ENOX1: variants seen among roughly 807,000 people sequenced by gnomAD.
ENOX1 encodes candidate growth-related and time keeping constitutive hydroquinone (NADH) oxidase.
ENOX1 carries 42 observed loss-of-function variants against 82.5 expected under a neutral mutation model. The ratio of observed to expected loss-of-function variants is 0.51; its 90% CI spans 0.40 to 0.66. ENOX1 has a LOEUF of 0.66. Among genes scored for constraint, ENOX1 ranks in the 30% least tolerant of loss-of-function variants. ENOX1 has a pLI of 0.00. For synonymous variants in ENOX1, 271 were observed against 282.2 expected, an observed-to-expected ratio of 0.96 and a Z score of 0.40; for missense variants, 608 against 811.6, an observed-to-expected ratio of 0.75 and a Z score of 3.05.
chr13:43,498,228 C>T (rs1045326977), intron 2 of ENOX1, among the ~76,000 whole-genome samples: 8 of 151,978 alleles, frequency 5.3e-5, no homozygotes, highest in Non-Finnish European at 7.4e-5. Context: ...TCCTCAGAGG[C>T]GGAAATATCT....
intron 12 of ENOX1, among the ~76,000 whole-genome samples, chr13:43,286,541 A>G (rs1410935632): frequency 6.6e-6 from 1 of 152,192 alleles, no homozygotes; most frequent in African/African-American, 2.4e-5. Context: ...AATGATTTTA[A>G]TAGTCTGCAG....
At chr13:43,470,263 T>TAC in intron 3 of ENOX1, among the ~76,000 whole-genome samples, 2 of 50,092 alleles carry the variant, frequency 4.0e-5, no homozygotes, top group African/African-American at 1.1e-4. Flanking sequence ...TATATATACA[T>TAC]ATATATACAC....
At position 43,630,835 on chromosome 13, in the gene ENOX1, C is replaced by CCACACA. The variant is rs139634908; in HGVS notation, c.-219+36638_-219+36643dup. ...CCTAGGCATTTATATATACATACAA[C>CCACACA]CACACACACACATATATATATATAT... On this transcript the variant is annotated intron_variant, in intron 2 of 16. Coordinates refer to ENST00000690772, the MANE Select transcript of ENOX1 (RefSeq NM_001347969.2). Among the ~76,000 whole-genome samples the CCACACA allele has an allele frequency of 8.9e-5, 12 of 134,408 alleles. No individual in the cohort carries two copies. The East Asian group carries it at 2.1e-3, about 24-fold the overall frequency. The allele number at this position is 134,408 out of a possible 152,430, so 88.2% of individuals were successfully genotyped here. A position where few individuals can be genotyped will look rare whatever the true frequency, so the allele number is the denominator to read the frequency against.
chr13:43,269,445 A>T (rs1164014961), intron 13 of ENOX1, 25 bp downstream of exon 13: 2 of 1,580,848 alleles, frequency 1.3e-6, no homozygotes, highest in Non-Finnish European at 1.7e-6. Flanking sequence ...CTGATTCATA[A>T]ATCAGAGCTG....
At chr13:43,573,586 C>T (rs1265330121) in intron 2 of ENOX1, among the ~76,000 whole-genome samples, 1 of 152,186 alleles carries the variant, frequency 6.6e-6, no homozygotes, top group Non-Finnish European at 1.5e-5. Flanking sequence ...TTCTCATGCC[C>T]TGCCATTAAG....
intron 9 of ENOX1, among the ~76,000 whole-genome samples, chr13:43,333,454 C>G (rs928340467): frequency 2.0e-4 from 30 of 152,336 alleles, no homozygotes; most frequent in Admixed American, 1.9e-3. Flanking sequence ...CTCATTGAGC[C>G]TGCCCTGTAT....
intron 14 of ENOX1, among the ~76,000 whole-genome samples, chr13:43,247,858 TATATATATATATA>T (rs1566329267): frequency 0.045 from 172 of 3,838 alleles, 15 homozygotes; most frequent in Non-Finnish European, 0.067. Flanking sequence ...TATATATATA[TATATATATATATA>T]TATATATATA....
At chr13:43,482,862 T>C (rs1349297107) in intron 3 of ENOX1, among the ~76,000 whole-genome samples, 3 of 152,106 alleles carry the variant, frequency 2.0e-5, no homozygotes, top group South Asian at 2.1e-4. Context: ...TCCTACTGAA[T>C]TGACAGGCTA....
intron 11 of ENOX1, among the ~76,000 whole-genome samples, chr13:43,315,903 T>A (rs572050079): frequency 6.6e-6 from 1 of 152,150 alleles, no homozygotes; most frequent in Non-Finnish European, 1.5e-5. Context: ...TAAACTGTAA[T>A]GTAGATAATG....
intron 3 of ENOX1, among the ~76,000 whole-genome samples, chr13:43,422,211 C>A (rs2055019723): frequency 6.6e-6 from 1 of 152,172 alleles, no homozygotes; most frequent in Non-Finnish European, 1.5e-5. Flanking sequence ...TCCACACCTC[C>A]CTGGCAACCA....
At chr13:43,585,916 GTTTATA>G (rs939284908) in intron 2 of ENOX1, among the ~76,000 whole-genome samples, 2 of 152,160 alleles carry the variant, frequency 1.3e-5, no homozygotes, top group African/African-American at 4.8e-5. Flanking sequence ...AATAACAATT[GTTTATA>G]TTTATGGGTT....
chr13:43,616,435 C>T (rs1164062508), intron 2 of ENOX1, among the ~76,000 whole-genome samples: 2 of 73,136 alleles, frequency 2.7e-5, no homozygotes, highest in Non-Finnish European at 5.5e-5. Flanking sequence ...CTCCTGATCT[C>T]AGGTGATCCT....
At chr13:43,501,998 C>T (rs1476110938) in intron 2 of ENOX1, among the ~76,000 whole-genome samples, 1 of 151,090 alleles carries the variant, frequency 6.6e-6, no homozygotes, top group African/African-American at 2.4e-5. Flanking sequence ...CTTGCCCAGA[C>T]TAAGAAAAAA....
intron 1 of ENOX1, among the ~76,000 whole-genome samples, chr13:43,755,488 C>G (rs1375583470): frequency 6.6e-6 from 1 of 152,200 alleles, no homozygotes; most frequent in Non-Finnish European, 1.5e-5. Flanking sequence ...CTCTCTCTCT[C>G]TCACTCACTC....
At chr13:43,542,226 G>GTC (rs1199178033) in intron 2 of ENOX1, among the ~76,000 whole-genome samples, 1 of 151,920 alleles carries the variant, frequency 6.6e-6, no homozygotes, top group Non-Finnish European at 1.5e-5. Context: ...TGCAACCTCT[G>GTC]TCTCTCAGGT....
intron 2 of ENOX1, among the ~76,000 whole-genome samples, chr13:43,571,499 G>C (rs2080176475): frequency 6.7e-6 from 1 of 150,224 alleles, no homozygotes; most frequent in Non-Finnish European, 1.5e-5. Context: ...CCAACATGGA[G>C]AAACCCCACC....
intron 5 of ENOX1, among the ~76,000 whole-genome samples, chr13:43,375,700 C>T (rs78919729): frequency 0.016 from 2,501 of 152,238 alleles, 30 homozygotes; most frequent in Non-Finnish European, 0.024. Context: ...GCCACTGTAT[C>T]CCCAAAGCCA....
chr13:43,692,758 T>A (rs1448108993), intron 1 of ENOX1, among the ~76,000 whole-genome samples: 1 of 152,164 alleles, frequency 6.6e-6, no homozygotes, highest in Non-Finnish European at 1.5e-5. Flanking sequence ...ACAAAGATTT[T>A]AAAAAATACT....
intron 5 of ENOX1, among the ~76,000 whole-genome samples, chr13:43,363,561 A>G (rs2050659997): frequency 6.6e-6 from 1 of 152,218 alleles, no homozygotes; most frequent in Admixed American, 6.5e-5. Flanking sequence ...AATATTGGCA[A>G]TGGGAATATT....
Sources: allele counts gnomAD v4.1 joint callset (sites outside exome capture counted in the v4.1 genomes callset), GRCh38; gene constraint gnomAD v4.1.1; transcripts MANE v1.5; gene names NCBI Gene and HGNC (gene_info 2026-07-23, HGNC 2026-07-21).